The following SMG1 variants were observed in gnomAD, a reference collection of about 807,000 sequenced individuals.
SMG1 encodes serine/threonine-protein kinase SMG1.
A neutral mutation model predicts 419.9 loss-of-function variants in SMG1; 22 were observed. The observed-to-expected ratio is 0.05, with a 90% CI of 0.04 to 0.07. The LOEUF is 0.07. Ranked by LOEUF, SMG1 falls within the 10% of genes least tolerant of loss-of-function variation. The probability of loss-of-function intolerance (pLI) is 1.00; values close to 1 mark genes in which losing one functional copy is unlikely to be tolerated. For missense variants in SMG1, 3,185 were observed against 4,342.0 expected, an observed-to-expected ratio of 0.73 and a Z score of 7.49; for synonymous variants, 1,538 against 1,553.5, an observed-to-expected ratio of 0.99 and a Z score of 0.23.
intron 23 of SMG1, chr16:18,866,279 A>G (rs866071479): frequency 5.7e-5 from 19 of 331,440 alleles, no homozygotes; most frequent in African/African-American, 4.1e-4. Context: ...TAGAGTTCAC[A>G]GGACTAATGA....
intron 9 of SMG1, among the ~76,000 whole-genome samples, 170 bp from the exon 10 acceptor site, chr16:18,882,508 T>C (rs2036442952): frequency 6.6e-6 from 1 of 152,226 alleles, no homozygotes; most frequent in African/African-American, 2.4e-5. Flanking sequence ...AAATGGGTTT[T>C]ACCTAATTAT....
intron 57 of SMG1, 95 bp from the exon 58 acceptor site, chr16:18,816,624 C>A (rs1337203318): frequency 1.5e-5 from 15 of 1,021,160 alleles, no homozygotes; most frequent in Non-Finnish European, 2.0e-5. Context: ...GTAACTCAAG[C>A]TGACACAAAG....
intron 25 of SMG1, 92 bp from the exon 26 acceptor site, chr16:18,860,868 A>G: frequency 1.6e-6 from 1 of 613,204 alleles, no homozygotes; most frequent in Non-Finnish European, 2.8e-6. Flanking sequence ...TCCTAGGAAG[A>G]CAGCAAAGTA....
At chr16:18,819,386 G>T (rs1184955801) in intron 56 of SMG1, 116 bp downstream of exon 56, 4 of 1,090,186 alleles carry the variant, frequency 3.7e-6, no homozygotes, top group Non-Finnish European at 5.3e-6. Flanking sequence ...TCCTCCCAGG[G>T]CTGTGAGCCA....
intron 19 of SMG1, 67 bp from the exon 20 acceptor site, chr16:18,869,370 C>G (rs2035690986): frequency 7.5e-7 from 1 of 1,327,502 alleles, no homozygotes; most frequent in African/African-American, 1.5e-5. Context: ...AAAAAAAATG[C>G]AAGGGGAATA....
intron 15 of SMG1, among the ~76,000 whole-genome samples, chr16:18,871,696 G>A (rs2035831920): frequency 1.3e-5 from 2 of 152,096 alleles, no homozygotes; most frequent in African/African-American, 2.4e-5. Flanking sequence ...TAATAGCAAA[G>A]AGGCCGGGTG....
intron 1 of SMG1, among the ~76,000 whole-genome samples, chr16:18,922,314 T>C (rs1312806692): frequency 2.0e-5 from 3 of 152,212 alleles, no homozygotes; most frequent in Admixed American, 6.5e-5. Context: ...GCAACCTCCA[T>C]AGGTCAGATA....
At chr16:18,867,446 C>T (rs903988044) in intron 22 of SMG1, among the ~76,000 whole-genome samples, 18 of 151,732 alleles carry the variant, frequency 1.2e-4, no homozygotes, top group South Asian at 2.1e-4. Context: ...GAGGCTTGAA[C>T]CTGAGAGGCA....
At chr16:18,845,810 G>T (rs2034227865) in intron 38 of SMG1, among the ~76,000 whole-genome samples, 159 bp from the exon 39 acceptor site, 1 of 151,678 alleles carries the variant, frequency 6.6e-6, no homozygotes, top group African/African-American at 2.4e-5. Context: ...TACTAACAAA[G>T]AATTTTTGGT....
chr16:18,917,861 G>C (rs547039867), intron 1 of SMG1, among the ~76,000 whole-genome samples: 24 of 151,728 alleles, frequency 1.6e-4, no homozygotes, highest in African/African-American at 5.1e-4. Flanking sequence ...ACAGGCATGA[G>C]CCACCACGCC....
Position 18,811,903 on chromosome 16 carries a change from T to A in SMG1, c.10802-36A>T, listed in dbSNP as rs761172335. 1.9e-6 allele frequency: 3 copies of A among 1,612,678 alleles called. No individual in the cohort carries two copies. In the African/African-American group the frequency reaches 4.0e-5, roughly 22 times the overall value. ...ACAAAAACATACGTAAGTCAAACCG[T>A]CATTTTATATAAAAATTTAAGGCAT... On this transcript the variant is annotated intron_variant, in intron 61 of 62. Transcript: ENST00000446231.
In SMG1 at chr16:18,914,833, G is replaced by A. The variant is rs191779624; in HGVS notation, c.92+11117C>T. On this transcript the variant is annotated intron_variant, in intron 1 of 62. Coordinates refer to ENST00000446231, the MANE Select transcript of SMG1 (RefSeq NM_015092.5). ...TTAGTGATTACATTGCTTAAATAATGTAGACAGATACAATAGACCCAAGAT... is the reference window on the plus strand; with the variant it reads ...TTAGTGATTACATTGCTTAAATAATATAGACAGATACAATAGACCCAAGAT... Among the ~76,000 whole-genome samples the A allele has an allele frequency of 2.2e-3, 328 of 152,160 alleles. 1 individual carries two copies. The highest frequency in any genetic ancestry group is 3.5e-3 in the Non-Finnish European group (236 of 68,018).
intron 45 of SMG1, 35 bp from the exon 46 acceptor site, chr16:18,837,478 C>T (rs753688482): frequency 1.9e-5 from 29 of 1,560,244 alleles, no homozygotes; most frequent in Middle Eastern, 1.7e-4. Context: ...AAGACTCTTA[C>T]AGGGCCAATT....
At chr16:18,884,911 C>A in intron 8 of SMG1, 179 bp downstream of exon 8, 1 of 597,702 alleles carries the variant, frequency 1.7e-6, no homozygotes, top group East Asian at 2.8e-5. Context: ...TACCCACCTA[C>A]TAGTAATTTC....
intron 1 of SMG1, chr16:18,925,301 G>C (rs1314161738): frequency 6.6e-6 from 1 of 152,174 alleles, no homozygotes; most frequent in Non-Finnish European, 1.5e-5. Context: ...GTTCACTCAA[G>C]TGTCCAGGTA....
rs187028580 is a variant in SMG1, at chr16:18,874,113, C to T, written c.1891-1489G>A. ...TTTTTCCTCCTAAAAACTTTATTCCCTAATTATGTCCATTACTTTCTTTCT... is the reference window on the plus strand; with the variant it reads ...TTTTTCCTCCTAAAAACTTTATTCCTTAATTATGTCCATTACTTTCTTTCT... On this transcript the variant is annotated intron_variant, in intron 13 of 62. Transcript: ENST00000446231. Among the ~76,000 whole-genome samples, 414 of 152,192 alleles carry T rather than the reference C, an allele frequency of 2.7e-3. 2 individuals carry two copies. The highest frequency in any genetic ancestry group is 3.9e-3 in the Non-Finnish European group (266 of 68,014).
At chr16:18,864,340 C>T (rs780984337) in intron 23 of SMG1, among the ~76,000 whole-genome samples, 196 bp from the exon 24 acceptor site, 4 of 151,740 alleles carry the variant, frequency 2.6e-5, no homozygotes, top group Non-Finnish European at 5.9e-5. Flanking sequence ...GGAATACAGG[C>T]GCTCGCCACC....
intron 39 of SMG1, among the ~76,000 whole-genome samples, chr16:18,842,666 A>C (rs1234747951): frequency 6.6e-6 from 1 of 152,152 alleles, no homozygotes; most frequent in African/African-American, 2.4e-5. Context: ...CTCTACAAAG[A>C]ATACAAAAGT....
chr16:18,906,255 G>A (rs777671029), intron 1 of SMG1, among the ~76,000 whole-genome samples: 5 of 152,080 alleles, frequency 3.3e-5, no homozygotes, highest in Non-Finnish European at 7.4e-5. Flanking sequence ...AGGCCAAGGC[G>A]GTGGATCACT....
Sources: gnomAD v4.1 joint callset for allele counts (sites outside exome capture counted in the v4.1 genomes callset) on GRCh38, gnomAD v4.1.1 for gene constraint, MANE v1.5 for transcripts, NCBI Gene and HGNC (gene_info 2026-07-23, HGNC 2026-07-21) for gene names.